The following ARHGEF2 variants were observed in gnomAD, a reference collection of about 807,000 sequenced individuals.
ARHGEF2 encodes the protein Rho/Rac guanine nucleotide exchange factor 2.
Under a neutral mutation model 121.0 loss-of-function variants are expected in ARHGEF2, and 22 were observed. That is an observed-to-expected ratio of 0.18 (90% CI 0.13 to 0.26). The LOEUF (loss-of-function observed/expected upper bound fraction) is 0.26. Ranked by LOEUF, ARHGEF2 falls within the 10% of genes least tolerant of loss-of-function variation. The pLI is 1.00. For synonymous variants in ARHGEF2, 487 were observed against 530.0 expected, an observed-to-expected ratio of 0.92 and a Z score of 1.11; for missense variants, 907 against 1,336.0, an observed-to-expected ratio of 0.68 and a Z score of 5.01.
At position 155,951,592 on chromosome 1, in the gene ARHGEF2, A is replaced by G; in HGVS notation, c.2209-59T>C. ...CTTTAGGATGGGAGAACTGCCCAAAAGTTGAACAAGGGTGGGTGTGGGGAC... is the reference window on the plus strand; with the variant it reads ...CTTTAGGATGGGAGAACTGCCCAAAGGTTGAACAAGGGTGGGTGTGGGGAC... On this transcript the variant is annotated intron_variant, in intron 18 of 21. Transcript: ENST00000361247. The surrounding 1 kb of genome is among the most constrained non-coding windows in gnomAD (Gnocchi z 5.1). 3.7e-6 allele frequency: 6 copies of G among 1,612,692 alleles called. No homozygotes were observed. Among genetic ancestry groups the G allele is most frequent in the Non-Finnish European group, 5.1e-6 (6 of 1,178,694 alleles).
Position 155,961,577 on chromosome 1 carries a change from G to A in ARHGEF2, c.1468+84C>T, listed in dbSNP as rs4661175. The A allele has an allele frequency of 0.62, 959,593 of 1,540,314 alleles. 312,196 individuals carry two copies. Among genetic ancestry groups the A allele is most frequent in the Non-Finnish European group, 0.67 (772,634 of 1,144,986 alleles). ...GCGTTGAGCCACTGCACCCGGCCAA[G>A]AGAGGTTGATTCTAAGACCTGCAGG... On this transcript the variant is annotated intron_variant, in intron 11 of 21. Coordinates refer to ENST00000361247, the MANE Select transcript of ARHGEF2 (RefSeq NM_001162383.2). The surrounding 1 kb of genome is among the most constrained non-coding windows in gnomAD (Gnocchi z 4.7).
intron 13 of ARHGEF2, among the ~76,000 whole-genome samples, chr1:155,957,138 T>C (rs1223821572): frequency 2.4e-4 from 36 of 152,174 alleles, no homozygotes. Flanking sequence ...TTAAACATCT[T>C]ACCTGTGCTT....
At chr1:155,959,579 C>G (rs565265299) in intron 11 of ARHGEF2, among the ~76,000 whole-genome samples, 3 of 152,260 alleles carry the variant, frequency 2.0e-5, no homozygotes, top group African/African-American at 4.8e-5. Context: ...AAGTATCGCT[C>G]TGTCGCCCTG....
At chr1:155,959,998 G>A (rs562708632) in intron 11 of ARHGEF2, among the ~76,000 whole-genome samples, 24 of 152,092 alleles carry the variant, frequency 1.6e-4, no homozygotes, top group Non-Finnish European at 2.4e-4. Flanking sequence ...CCTTCCTCTC[G>A]CAGAGGACTG....
intron 11 of ARHGEF2, among the ~76,000 whole-genome samples, chr1:155,958,923 G>A (rs1677276857): frequency 7.5e-6 from 1 of 133,696 alleles, no homozygotes; most frequent in East Asian, 2.7e-4. Context: ...GGGGTGGGGG[G>A]CGGGCAGGGT....
At chr1:155,974,849 GA>G (rs1681043276) in intron 1 of ARHGEF2, among the ~76,000 whole-genome samples, 1 of 102,960 alleles carries the variant, frequency 9.7e-6, no homozygotes, top group African/African-American at 2.6e-5. Flanking sequence ...CAAGCAGAAA[GA>G]GAGGGGGGGT....
At position 155,970,571 on chromosome 1, in the gene ARHGEF2, A is replaced by G. The variant is rs565933075; in HGVS notation, c.64-1271T>C. 3.8e-4 allele frequency: 373 copies of G among 985,520 alleles called. 3 individuals carry two copies. The South Asian group carries it at 0.013, about 35-fold the overall frequency. The allele number at this position is 985,520 out of a possible 1,614,324, so 61.0% of individuals were successfully genotyped here. A position where few individuals can be genotyped will look rare whatever the true frequency, so the allele number is the denominator to read the frequency against. On this transcript the variant is annotated intron_variant, in intron 1 of 21. Transcript: ENST00000361247. ...TGGCTGAGGGTAGAAGCCCCAAGTC[A>G]GAGGACCTGGACTGGGGACAGAGGA... is the stretch of plus-strand genomic sequence containing the variant.
upstream of ARHGEF2, chr1:155,979,250 G>T (rs975519042): frequency 1.0e-5 from 10 of 985,434 alleles, no homozygotes; most frequent in Middle Eastern, 5.2e-4. Flanking sequence ...GGGGGACTAG[G>T]TTGGGATTCT....
chr1:155,950,152 C>A lies in ARHGEF2; in HGVS notation c.2887+147G>T. 1.0e-6 allele frequency: 1 copy of A among 954,450 alleles called. No homozygotes were observed. The highest frequency in any genetic ancestry group is 2.5e-5 in the East Asian group (1 of 40,758). The allele number at this position is 954,450 out of a possible 1,614,324, so 59.1% of individuals were successfully genotyped here. ...TCCTGCTTCCTAGACTTCCACCACC[C>A]ATTCATCATCAGACAAAACAGGAAG... On this transcript the variant is annotated intron_variant, in intron 21 of 21. Transcript: ENST00000361247. The surrounding 1 kb of genome is among the most constrained non-coding windows in gnomAD (Gnocchi z 5.2).
chr1:155,978,403 G>C lies in ARHGEF2; in HGVS notation c.25C>G (p.Arg9Gly), dbSNP rs1409276852. 6.6e-6 allele frequency: 10 copies of C among 1,517,276 alleles called. No individual in the cohort carries two copies. Among genetic ancestry groups the C allele is most frequent in the Non-Finnish European group, 8.9e-6 (10 of 1,123,564 alleles). The allele number at this position is 1,517,276 out of a possible 1,614,324, so 94.0% of individuals were successfully genotyped here. A position where few individuals can be genotyped will look rare whatever the true frequency, so the allele number is the denominator to read the frequency against. Residue 9 changes from arginine (R) to glycine (G), a missense_variant, in exon 1 of 22, where the codon CGG becomes GGG. Physicochemically the swap from Arg to Gly is moderately radical, Grantham distance 125. Around this residue, in one of 2 missense-constraint regions of ARHGEF2, gnomAD observed 475 missense variants for 776.5 expected, o/e 0.61. Transcript: ENST00000361247. This position sits in a 1 kb window ranked among gnomAD's most constrained non-coding sequence, Gnocchi z 4.1. MSRIESLTRARIDRSRELA... is the reference protein window; with the variant it reads MSRIESLTGARIDRSRELA... Reference sequence around the variant, plus strand: ...TCTCTGCTCCGGTCGATCCGCGCCCGCGTGAGGGATTCGATCCGAGACATA... The same window carrying C: ...TCTCTGCTCCGGTCGATCCGCGCCCCCGTGAGGGATTCGATCCGAGACATA...
At position 155,969,158 on chromosome 1, in the gene ARHGEF2, G is replaced by A. The variant is rs369051956; in HGVS notation, c.206C>T (p.Pro69Leu). The A allele has an allele frequency of 6.2e-7, 1 of 1,613,972 alleles. No homozygotes were observed. The highest frequency in any genetic ancestry group is 8.5e-7 in the Non-Finnish European group (1 of 1,179,958). The part of the protein sequence containing the change: ...SITAKEALIC[P>L]TCNVTIHNRC... ...CTCTCAGGGTCCAAACAACTTACTT[G>A]GGCAGATGAGGGCTTCCTTGGCTGT... is the stretch of plus-strand genomic sequence containing the variant. Residue 69 changes from proline to leucine, a missense_variant and splice_region_variant, in exon 2 of 22, where the codon CCA becomes CTA. By Grantham distance (98) the Pro-to-Leu change is moderately conservative. Around this residue, in one of 2 missense-constraint regions of ARHGEF2, gnomAD observed 475 missense variants for 776.5 expected, o/e 0.61. Transcript: ENST00000361247.
Position 155,978,186 on chromosome 1 carries a change from C to T in ARHGEF2, c.63+179G>A, listed in dbSNP as rs914877461. 1.5e-6 allele frequency: 2 copies of T among 1,312,864 alleles called. No individual in the cohort carries two copies. The highest frequency in any genetic ancestry group is 3.3e-5 in the Admixed American group (1 of 30,046). The allele number at this position is 1,312,864 out of a possible 1,614,324, so 81.3% of individuals were successfully genotyped here. A position where few individuals can be genotyped will look rare whatever the true frequency, so the allele number is the denominator to read the frequency against. On this transcript the variant is annotated intron_variant, in intron 1 of 21. Transcript: ENST00000361247. This position sits in a 1 kb window ranked among gnomAD's most constrained non-coding sequence, Gnocchi z 4.1. ...AGCACCGTCGCGTCTGCCGCTCCCC[C>T]CACCCCTACCCACTCGCTCGCAGTC...
At position 155,952,846 on chromosome 1, in the gene ARHGEF2, G is replaced by C; in HGVS notation, c.1784-18C>G. On this transcript the variant is annotated intron_variant, in intron 14 of 21. Coordinates refer to ENST00000361247, the MANE Select transcript of ARHGEF2 (RefSeq NM_001162383.2). ...CAACTCCACTGCAGATAAGGAACAA[G>C]TGAGGACATGAGAGGACGTAGGGGT... The C allele has an allele frequency of 1.2e-6, 2 of 1,614,032 alleles. No homozygotes were observed. The highest frequency in any genetic ancestry group is 1.7e-6 in the Non-Finnish European group (2 of 1,179,870).
At chr1:155,971,542 T>C (rs1002823731) in intron 1 of ARHGEF2, among the ~76,000 whole-genome samples, 5 of 140,778 alleles carry the variant, frequency 3.6e-5, no homozygotes, top group African/African-American at 1.0e-4. Context: ...ATTGGGCCAC[T>C]GCACTCCAGC....
rs1309598154 is a variant in ARHGEF2 at position 155,961,547 on chromosome 1, T to C, written c.1468+114A>G. ...CCTCGGCCTCCCTAAGTGCTGGGAT[T>C]ACAGGCGTTGAGCCACTGCACCCGG... On this transcript the variant is annotated intron_variant, in intron 11 of 21. Coordinates refer to ENST00000361247, the MANE Select transcript of ARHGEF2 (RefSeq NM_001162383.2). The surrounding 1 kb of genome is among the most constrained non-coding windows in gnomAD (Gnocchi z 4.7). The C allele has an allele frequency of 2.1e-6, 3 of 1,446,972 alleles. No homozygotes were observed. The highest frequency in any genetic ancestry group is 2.8e-6 in the Non-Finnish European group (3 of 1,071,646). The allele number at this position is 1,446,972 out of a possible 1,614,324, so 89.6% of individuals were successfully genotyped here.
chr1:155,973,038 A>G (rs748346870), intron 1 of ARHGEF2, among the ~76,000 whole-genome samples: 2 of 151,912 alleles, frequency 1.3e-5, no homozygotes, highest in African/African-American at 4.8e-5. Flanking sequence ...CACAAATCCC[A>G]TGGGAAGTTC....
At chr1:155,967,726 A>G (rs1679694873) in intron 2 of ARHGEF2, among the ~76,000 whole-genome samples, 1 of 152,130 alleles carries the variant, frequency 6.6e-6, no homozygotes, top group African/African-American at 2.4e-5. Context: ...GCCATGGGGT[A>G]GGAGAGAAGA....
At chr1:155,967,396 T>C (rs1326431505) in intron 2 of ARHGEF2, among the ~76,000 whole-genome samples, 1 of 152,180 alleles carries the variant, frequency 6.6e-6, no homozygotes, top group African/African-American at 2.4e-5. Context: ...TATCCTCATT[T>C]CATGTATGAG....
rs373715546 is a variant in ARHGEF2 at position 155,978,187 on chromosome 1, C to A, written c.63+178G>T. The A allele has an allele frequency of 3.7e-5, 48 of 1,313,000 alleles. No individual in the cohort carries two copies. The East Asian group carries it at 3.7e-4, about 10-fold the overall frequency. 81.3% of individuals were successfully genotyped at this position (1,313,000 alleles called of 1,614,324 possible). A position where few individuals can be genotyped will look rare whatever the true frequency, so the allele number is the denominator to read the frequency against. On this transcript the variant is annotated intron_variant, in intron 1 of 21. Transcript: ENST00000361247. The surrounding 1 kb of genome is among the most constrained non-coding windows in gnomAD (Gnocchi z 4.1). ...GCACCGTCGCGTCTGCCGCTCCCCCCACCCCTACCCACTCGCTCGCAGTCC... is the reference window on the plus strand; with the variant it reads ...GCACCGTCGCGTCTGCCGCTCCCCCAACCCCTACCCACTCGCTCGCAGTCC...
Sources: gnomAD v4.1 joint callset for allele counts (sites outside exome capture counted in the v4.1 genomes callset) on GRCh38, gnomAD v4.1.1 for gene constraint, gnomAD v4.1.1 regional missense constraint, Gnocchi (gnomAD v3.1) non-coding constraint, MANE v1.5 for transcripts, NCBI Gene and HGNC (gene_info 2026-07-23, HGNC 2026-07-21) for gene names.